The following C14orf39 variants were observed in gnomAD, a reference collection of about 807,000 sequenced individuals.
C14orf39 encodes the protein chromosome 14 open reading frame 39, also known as protein SIX6OS1.
In C14orf39, 66 loss-of-function variants were observed where a neutral mutation model predicts 85.6. That is an observed-to-expected ratio of 0.77 (90% confidence interval 0.63 to 0.95). C14orf39 has a LOEUF of 0.95. Among genes scored for constraint, C14orf39 ranks in the 40% least tolerant of loss-of-function variants. The probability of loss-of-function intolerance (pLI) is 0.00; values close to 1 mark genes in which losing one functional copy is unlikely to be tolerated. For missense variants in C14orf39, 735 were observed against 663.9 expected (o/e 1.11, Z -1.18); for synonymous variants, 242 against 214.0 (o/e 1.13, Z -1.14).
At chr14:60,465,868 ACACACACACACACACACACACAC>A in intron 11 of C14orf39, 88 bp downstream of exon 11, 2 of 13,002 alleles carry the variant, frequency 1.5e-4, no homozygotes, top group South Asian at 5.4e-4. Flanking sequence ...ACACACACAC[ACACACACACACACACACACACAC>A]ACGTCTGTGT....
At chr14:60,437,229 T>G (rs1287214567) in intron 17 of C14orf39, among the ~76,000 whole-genome samples, 182 bp from the exon 18 acceptor site, 2 of 151,964 alleles carry the variant, frequency 1.3e-5, no homozygotes, top group African/African-American at 2.4e-5. Context: ...ACTATGAAGG[T>G]TAAAACAGAC....
At chr14:60,438,764 AAGAT>A (rs1002880143) in intron 17 of C14orf39, among the ~76,000 whole-genome samples, 43 of 152,260 alleles carry the variant, frequency 2.8e-4, no homozygotes, top group African/African-American at 9.1e-4. Flanking sequence ...TCTATCTCGA[AAGAT>A]AGAAAGAGAT....
intron 17 of C14orf39, among the ~76,000 whole-genome samples, chr14:60,438,466 CAAG>C (rs1324781333): frequency 3.3e-5 from 5 of 152,088 alleles, no homozygotes; most frequent in African/African-American, 1.2e-4. Flanking sequence ...TTTAATTTCA[CAAG>C]AAGTTCATAT....
At chr14:60,509,234 GT>G in intron 1 of C14orf39, 1 of 651,096 alleles carries the variant, frequency 1.5e-6, no homozygotes, top group Non-Finnish European at 2.7e-6. Context: ...TCCAGTCGGG[GT>G]CGTCCGCTCC....
At chr14:60,493,064 C>T (rs1319055552) in intron 2 of C14orf39, among the ~76,000 whole-genome samples, 1 of 152,154 alleles carries the variant, frequency 6.6e-6, no homozygotes, top group Non-Finnish European at 1.5e-5. Flanking sequence ...CACTCAGGTG[C>T]CCACTTCTTC....
At chr14:60,508,337 G>A (rs534844890) in intron 1 of C14orf39, among the ~76,000 whole-genome samples, 1 of 152,286 alleles carries the variant, frequency 6.6e-6, no homozygotes, top group South Asian at 2.1e-4. Flanking sequence ...GGCTCTAGAT[G>A]TGGCTATGCT....
At chr14:60,510,741 C>A (rs945950645) in intron 1 of C14orf39, among the ~76,000 whole-genome samples, 7 of 152,246 alleles carry the variant, frequency 4.6e-5, no homozygotes, top group African/African-American at 1.7e-4. Flanking sequence ...CCGATCTGTC[C>A]TTGTCACCCA....
intron 16 of C14orf39, among the ~76,000 whole-genome samples, chr14:60,449,766 A>G (rs1489764252): frequency 6.6e-6 from 1 of 152,112 alleles, no homozygotes; most frequent in African/African-American, 2.4e-5. Context: ...TTCTTTCTCT[A>G]GATTCTCAAA....
chr14:60,498,967 A>G (rs947222257), intron 2 of C14orf39, among the ~76,000 whole-genome samples: 5 of 152,156 alleles, frequency 3.3e-5, no homozygotes, highest in Admixed American at 6.5e-5. Context: ...TCTTAAAAAT[A>G]TTACTGAAGG....
At position 60,471,747 on chromosome 14, in the gene C14orf39, A is replaced by C; in HGVS notation, c.324-8T>G. ...TAATCATGATACATTTCTCTGTTAA[A>C]ATTAAAAGAAATGATGTTTATATAA... On this transcript the variant is annotated splice_polypyrimidine_tract_variant and splice_region_variant and intron_variant, in intron 5 of 17. Coordinates refer to ENST00000321731, the MANE Select transcript of C14orf39 (RefSeq NM_174978.3). The C allele has an allele frequency of 7.0e-7, 1 of 1,437,394 alleles. No homozygotes were observed. Among genetic ancestry groups the C allele is most frequent in the Non-Finnish European group, 9.5e-7 (1 of 1,053,456 alleles). 89.0% of individuals were successfully genotyped at this position (1,437,394 alleles called of 1,614,324 possible).
At chr14:60,485,579 A>T (rs1892845900) in intron 1 of C14orf39, among the ~76,000 whole-genome samples, 2 of 152,302 alleles carry the variant, frequency 1.3e-5, no homozygotes, top group Admixed American at 1.3e-4. Context: ...GAATAAAAAA[A>T]TTGGAGGTTT....
intron 1 of C14orf39, among the ~76,000 whole-genome samples, chr14:60,504,275 G>A (rs1365213573): frequency 6.6e-6 from 1 of 152,188 alleles, no homozygotes; most frequent in Non-Finnish European, 1.5e-5. Flanking sequence ...TTTGTTGAAG[G>A]CTGATGCCTC....
At chr14:60,465,851 AACACACACACACACACACACACACACAC>A (rs10529202) in intron 11 of C14orf39, 100 bp downstream of exon 11, 9 of 414,126 alleles carry the variant, frequency 2.2e-5, no homozygotes, top group Non-Finnish European at 2.9e-5. Context: ...ATAAATTTAT[AACACACACACACACACACACACACACAC>A]ACACACACAC....
At chr14:60,489,034 G>A (rs1203087437), upstream of C14orf39, among the ~76,000 whole-genome samples, 1 of 151,876 alleles carries the variant, frequency 6.6e-6, no homozygotes, top group African/African-American at 2.4e-5. Context: ...CTTTTTTGGG[G>A]GTCATGCATC....
At chr14:60,474,078 A>G (rs1484741948) in intron 5 of C14orf39, among the ~76,000 whole-genome samples, 1 of 151,992 alleles carries the variant, frequency 6.6e-6, no homozygotes, top group South Asian at 2.1e-4. Context: ...CTTTTATTTC[A>G]TTGAGCAGTG....
chr14:60,456,522 C>G (rs556258928), intron 15 of C14orf39, among the ~76,000 whole-genome samples: 1 of 151,598 alleles, frequency 6.6e-6, no homozygotes, highest in Non-Finnish European at 1.5e-5. Flanking sequence ...TCCCAAATAG[C>G]TGGGACTACA....
At position 60,478,355 on chromosome 14, in the gene C14orf39, C is replaced by T; in HGVS notation, c.268G>A (p.Glu90Lys). 1 of 1,582,718 alleles carries T rather than the reference C, an allele frequency of 6.3e-7. No individual in the cohort carries two copies. Among genetic ancestry groups the T allele is most frequent in the Non-Finnish European group, 8.6e-7 (1 of 1,167,830 alleles). Reference protein sequence around the residue: ...KPTCDVFRKHEDYMQDQFTVY... With the variant: ...KPTCDVFRKHKDYMQDQFTVY... ...GTAAATTGGTCCTGCATATAATCTTCATGTTTACGAAAAACATCACATGTT... is the reference window on the plus strand; with the variant it reads ...GTAAATTGGTCCTGCATATAATCTTTATGTTTACGAAAAACATCACATGTT... Residue 90 changes from glutamate (E) to lysine (K), a missense_variant, in exon 5 of 18, where the codon GAA becomes AAA. By Grantham distance (56) the Glu-to-Lys change is moderately conservative. Coordinates refer to ENST00000321731, the MANE Select transcript of C14orf39 (RefSeq NM_174978.3).
chr14:60,458,073 A>G (rs1891357672), intron 14 of C14orf39, among the ~76,000 whole-genome samples: 1 of 151,978 alleles, frequency 6.6e-6, no homozygotes, highest in South Asian at 2.1e-4. Context: ...ATATCAAATC[A>G]GTGTACTTGG....
intron 15 of C14orf39, among the ~76,000 whole-genome samples, chr14:60,455,407 T>G (rs1281624632): frequency 6.6e-6 from 1 of 152,006 alleles, no homozygotes; most frequent in Non-Finnish European, 1.5e-5. Flanking sequence ...CATTTTACAG[T>G]AGGGAATTTT....
Sources: allele counts gnomAD v4.1 joint callset (sites outside exome capture counted in the v4.1 genomes callset), GRCh38; gene constraint gnomAD v4.1.1; transcripts MANE v1.5; gene names NCBI Gene and HGNC (gene_info 2026-07-23, HGNC 2026-07-21).